Variants in DIAPH2 observed in about 807,000 individuals in gnomAD.
DIAPH2 encodes protein diaphanous homolog 2.
DIAPH2 carries 35 observed loss-of-function variants against 92.7 expected under a neutral mutation model. The ratio of observed to expected loss-of-function variants is 0.38; its 90% CI spans 0.29 to 0.50. DIAPH2 has a LOEUF of 0.50. Ranked by LOEUF, DIAPH2 falls within the 20% of genes least tolerant of loss-of-function variation. The probability of loss-of-function intolerance (pLI) is 0.94; values close to 1 mark genes in which losing one functional copy is unlikely to be tolerated. For synonymous variants in DIAPH2, 301 were observed against 280.4 expected (o/e 1.07, Z -0.73); for missense variants, 701 against 819.5 (o/e 0.86, Z 1.77).
chrX:97,369,258 T>C lies in DIAPH2; in HGVS notation c.3010-14651T>C, dbSNP rs139455699. Among the ~76,000 whole-genome samples the C allele has an allele frequency of 5.4e-3, 606 of 111,556 alleles. 3 individuals are homozygous for C. Among genetic ancestry groups the C allele is most frequent in the African/African-American group, 0.017 (530 of 30,732 alleles). ...AACTAAGCCAACACCGAAGCAAATG[T>C]GCATAAAGGATATCTATGAATATCT... is the stretch of plus-strand genomic sequence containing the variant. On this transcript the variant is annotated intron_variant, in intron 24 of 26. Transcript: ENST00000324765.
At chrX:96,849,197 G>T (rs1231243667) in intron 4 of DIAPH2, among the ~76,000 whole-genome samples, 1 of 111,403 alleles carries the variant, frequency 9.0e-6, no homozygotes. Context: ...ACAGAGTCTC[G>T]CTCTGTTGCC....
chrX:97,125,241 G>A (rs193254108), intron 21 of DIAPH2, among the ~76,000 whole-genome samples: 19 of 110,393 alleles, frequency 1.7e-4, no homozygotes, highest in African/African-American at 6.2e-4. Context: ...TTGGGAGGCC[G>A]AGGCGGGTGG....
chrX:96,794,152 G>A (rs997303098), intron 4 of DIAPH2, among the ~76,000 whole-genome samples: 2 of 111,327 alleles, frequency 1.8e-5, no homozygotes, highest in Non-Finnish European at 3.8e-5. Context: ...GACAAAAGGG[G>A]CAAACAAGTT....
intron 16 of DIAPH2, among the ~76,000 whole-genome samples, chrX:96,960,677 A>G (rs1403053297): frequency 1.8e-5 from 2 of 111,451 alleles, no homozygotes; most frequent in African/African-American, 6.5e-5. Context: ...GTCTTGTTCC[A>G]ATTCTTAGAG....
chrX:96,716,643 C>T (rs897371551), intron 1 of DIAPH2, among the ~76,000 whole-genome samples: 1 of 111,179 alleles, frequency 9.0e-6, no homozygotes, highest in African/African-American at 3.3e-5. Flanking sequence ...TCCCTCTCTT[C>T]CATCCCCAAA....
chrX:96,743,147 G>A (rs946017949), intron 3 of DIAPH2, among the ~76,000 whole-genome samples: 5 of 111,796 alleles, frequency 4.5e-5, no homozygotes, highest in Admixed American at 9.5e-5. Flanking sequence ...TTAAAGAACT[G>A]TACAACTTTG....
intron 24 of DIAPH2, among the ~76,000 whole-genome samples, chrX:97,354,637 G>A (rs1473906712): frequency 8.9e-6 from 1 of 112,681 alleles, no homozygotes; most frequent in East Asian, 2.8e-4. Flanking sequence ...GCCTCCCAAA[G>A]TGCTAGGATT....
intron 4 of DIAPH2, among the ~76,000 whole-genome samples, chrX:96,846,177 C>T (rs1454837948): frequency 3.9e-5 from 4 of 103,216 alleles, no homozygotes; most frequent in Non-Finnish European, 7.9e-5. Context: ...GAGGGAGTTT[C>T]GCTCTTGTTG....
chrX:97,361,016 C>A (rs1391549383), intron 24 of DIAPH2, among the ~76,000 whole-genome samples: 3 of 108,587 alleles, frequency 2.8e-5, no homozygotes, highest in Admixed American at 9.9e-5. Context: ...ACTACAGGTG[C>A]ACACCACCAT....
intron 23 of DIAPH2, among the ~76,000 whole-genome samples, chrX:97,339,290 C>A (rs2069092281): frequency 9.0e-6 from 1 of 110,597 alleles, no homozygotes; most frequent in Admixed American, 9.7e-5. Flanking sequence ...GTGGGCAAAT[C>A]ACTTGAGGTC....
intron 22 of DIAPH2, among the ~76,000 whole-genome samples, chrX:97,165,575 C>T (rs2067405790): frequency 9.0e-6 from 1 of 110,714 alleles, no homozygotes; most frequent in Non-Finnish European, 1.9e-5. Context: ...CTCACTGCAA[C>T]CTCTGTCCCC....
At chrX:97,390,208 C>CTT (rs142044871) in intron 25 of DIAPH2, among the ~76,000 whole-genome samples, 569 of 33,186 alleles carry the variant, frequency 0.017, 129 homozygotes, top group Admixed American at 0.071. Flanking sequence ...TGCTTTCTGT[C>CTT]TTTTTTTTTT....
At chrX:97,152,672 A>C (rs1018427291) in intron 22 of DIAPH2, among the ~76,000 whole-genome samples, 1 of 111,649 alleles carries the variant, frequency 9.0e-6, no homozygotes, top group Non-Finnish European at 1.9e-5. Flanking sequence ...TAACAAATCT[A>C]ATCCTGTGAT....
intron 25 of DIAPH2, among the ~76,000 whole-genome samples, chrX:97,385,744 C>T (rs2069593558): frequency 8.9e-6 from 1 of 111,885 alleles, no homozygotes. Context: ...AAAATGATAA[C>T]AACAACAACT....
At chrX:97,531,072 G>C (rs907326745) in intron 26 of DIAPH2, among the ~76,000 whole-genome samples, 1 of 111,058 alleles carries the variant, frequency 9.0e-6, no homozygotes, top group African/African-American at 3.3e-5. Flanking sequence ...TGAAAGGTAT[G>C]ATGGGCTTAA....
At position 97,476,968 on chromosome X, in the gene DIAPH2, A is replaced by AATATAT. The variant is rs1556133291; in HGVS notation, c.3241+47235_3241+47240dup. On this transcript the variant is annotated intron_variant, in intron 26 of 26. Transcript: ENST00000324765. ...TCAAAAAAAAAAAAAAAAAAAAAAAAATATATATATATATATACACACACA... is the reference window on the plus strand; with the variant it reads ...TCAAAAAAAAAAAAAAAAAAAAAAAAATATATATATATATATATATATACACACACA... Among the ~76,000 whole-genome samples, 15 of 33,600 alleles carry AATATAT rather than the reference A, an allele frequency of 4.5e-4. 1 individual carries two copies. Among genetic ancestry groups the AATATAT allele is most frequent in the Non-Finnish European group, 7.2e-4 (14 of 19,365 alleles). 29.2% of individuals were successfully genotyped at this position (33,600 alleles called of 115,157 possible).
intron 1 of DIAPH2, among the ~76,000 whole-genome samples, chrX:96,693,684 A>G (rs910519158): frequency 8.9e-6 from 1 of 112,198 alleles, no homozygotes; most frequent in Non-Finnish European, 1.9e-5. Context: ...GAGGCACCAT[A>G]TGGGCTAGCT....
At chrX:96,722,350 C>T (rs1188135260) in intron 1 of DIAPH2, among the ~76,000 whole-genome samples, 1 of 109,862 alleles carries the variant, frequency 9.1e-6, no homozygotes, top group East Asian at 2.9e-4. Flanking sequence ...GAGCGAGACT[C>T]CGTCTTAGAA....
At chrX:96,786,285 A>G (rs932293660) in intron 4 of DIAPH2, among the ~76,000 whole-genome samples, 1 of 111,284 alleles carries the variant, frequency 9.0e-6, no homozygotes, top group African/African-American at 3.3e-5. Flanking sequence ...CCCCTTGATA[A>G]CCTGTGAAGA....
Sources: gnomAD v4.1 joint callset for allele counts (sites outside exome capture counted in the v4.1 genomes callset) on GRCh38, gnomAD v4.1.1 for gene constraint, MANE v1.5 for transcripts, NCBI Gene and HGNC (gene_info 2026-07-23, HGNC 2026-07-21) for gene names.